The following TMEM260 variants were observed in gnomAD, a reference collection of about 807,000 sequenced individuals.
TMEM260 encodes protein O-mannosyl-transferase TMEM260.
TMEM260 carries 82 observed loss-of-function variants against 88.9 expected under a neutral mutation model. The ratio of observed to expected loss-of-function variants is 0.92; its 90% confidence interval spans 0.77 to 1.11. The LOEUF is 1.11. Among genes scored for constraint, TMEM260 ranks in the 50% least tolerant of loss-of-function variants. The pLI is 0.00. For missense variants in TMEM260, 902 were observed against 853.4 expected, an observed-to-expected ratio of 1.06 and a Z score of -0.71; for synonymous variants, 314 against 309.3, an observed-to-expected ratio of 1.02 and a Z score of -0.16.
At chr14:56,594,265 A>G (rs1219330224) in intron 3 of TMEM260, among the ~76,000 whole-genome samples, 2 of 152,216 alleles carry the variant, frequency 1.3e-5, no homozygotes, top group Non-Finnish European at 2.9e-5. Context: ...AGTTTAAACT[A>G]TTAGCGATAT....
At chr14:56,621,838 C>A in intron 11 of TMEM260, 136 bp downstream of exon 11, 1 of 624,020 alleles carries the variant, frequency 1.6e-6, no homozygotes, top group Non-Finnish European at 2.5e-6. Flanking sequence ...TGACATTCTA[C>A]ATGTTAGGTA....
At chr14:56,623,004 T>C (rs1433592073) in intron 11 of TMEM260, among the ~76,000 whole-genome samples, 1 of 152,226 alleles carries the variant, frequency 6.6e-6, no homozygotes, top group Non-Finnish European at 1.5e-5. Flanking sequence ...TCAGCTCCTG[T>C]AGTTGAGAAG....
At chr14:56,601,001 A>G (rs1053471895) in intron 3 of TMEM260, among the ~76,000 whole-genome samples, 1 of 152,282 alleles carries the variant, frequency 6.6e-6, no homozygotes, top group Non-Finnish European at 1.5e-5. Context: ...TAGTGGGGAG[A>G]TGGAGAGAGA....
intron 12 of TMEM260, among the ~76,000 whole-genome samples, chr14:56,631,531 G>A (rs187295948): frequency 2.4e-4 from 37 of 151,898 alleles, no homozygotes; most frequent in Admixed American, 1.9e-3. Flanking sequence ...GCTGAGGCAG[G>A]AGGATTGCTT....
intron 3 of TMEM260, among the ~76,000 whole-genome samples, chr14:56,592,160 A>G (rs1885906063): frequency 6.6e-6 from 1 of 152,224 alleles, no homozygotes; most frequent in African/African-American, 2.4e-5. Context: ...ATGAAGTAGA[A>G]CTAACCTTAG....
chr14:56,650,001 A>G, downstream of TMEM260: 2 of 419,284 alleles, frequency 4.8e-6, no homozygotes, highest in South Asian at 3.5e-5. Context: ...ACTTTGGAGA[A>G]TCCTTTCCTT....
Position 56,634,922 on chromosome 14 carries a change from C to A in TMEM260, c.1748C>A (p.Ser583Tyr). 6.2e-7 allele frequency: 1 copy of A among 1,613,652 alleles called. No individual in the cohort carries two copies. Among genetic ancestry groups the A allele is most frequent in the South Asian group, 1.1e-5 (1 of 91,058 alleles). The stretch of plus-strand genomic sequence containing the variant: ...AGGTTTGATCCATCTTCTTGGGAAT[C>A]TGTGGCCAATGAAGAAATGTGGCAA... ...YGRFDPSSWE[S>Y]VANEEMWQAR... The change falls in exon 14 of 16, where the codon TCT becomes TAT. Residue 583 changes from serine (S) to tyrosine (Y), a missense_variant. Transcript: ENST00000261556.
At chr14:56,613,037 A>G (rs1887383177) in intron 7 of TMEM260, 1 of 152,084 alleles carries the variant, frequency 6.6e-6, no homozygotes, top group Admixed American at 6.5e-5. Flanking sequence ...ACCTTATTAG[A>G]GCTGGCTTAA....
intron 11 of TMEM260, among the ~76,000 whole-genome samples, chr14:56,624,846 T>G (rs2139606137): frequency 6.6e-6 from 1 of 151,838 alleles, no homozygotes; most frequent in South Asian, 2.1e-4. Flanking sequence ...CAGGGACCGG[T>G]TTTGTGAAGG....
Position 56,585,005 on chromosome 14 carries a change from A to G in TMEM260, c.165A>G (p.Glu55=). 6.2e-7 allele frequency: 1 copy of G among 1,611,852 alleles called. No homozygotes were observed. The part of the protein sequence containing the change: ...PPSVPGGDSG[E]LITAAHELGV... ...TTTTACATTATTTTTTCACAGGGGA[A>G]CTGATCACAGCCGCACATGAGCTTG... Residue 55 remains glutamate (E), a synonymous_variant, in exon 2 of 16, where the codon GAA becomes GAG. Transcript: ENST00000261556.
In TMEM260 at chr14:56,625,500, A is replaced by G; in HGVS notation, c.1517A>G (p.Asn506Ser). ...GILPSGMVTF[N>S]LYHFLEVNKQ... Reference sequence around the variant, plus strand: ...TTACCTAGTGGAATGGTCACATTTAATCTTTATCATTTTCTTGAAGTAAAT... The same window carrying G: ...TTACCTAGTGGAATGGTCACATTTAGTCTTTATCATTTTCTTGAAGTAAAT... The change falls in exon 12 of 16, where the codon AAT (asparagine) becomes AGT (serine). Residue 506 changes from asparagine to serine, a missense_variant. Coordinates refer to ENST00000261556, the MANE Select transcript of TMEM260 (RefSeq NM_017799.4). The G allele has an allele frequency of 6.2e-7, 1 of 1,603,462 alleles. No homozygotes were observed. Among genetic ancestry groups the G allele is most frequent in the East Asian group, 2.2e-5 (1 of 44,786 alleles).
chr14:56,604,921 G>A (rs1032732330), intron 4 of TMEM260, among the ~76,000 whole-genome samples: 3 of 152,178 alleles, frequency 2.0e-5, no homozygotes, highest in African/African-American at 7.2e-5. Context: ...AAGCCAGGGT[G>A]ATCAGACTTC....
At chr14:56,657,352 G>A in the TMEM260 span, among the ~76,000 whole-genome samples, 3 of 151,946 alleles carry the variant, frequency 2.0e-5, no homozygotes, top group East Asian at 1.9e-4. Context: ...ATGTTGCCCC[G>A]GCTGGTCATG....
downstream of TMEM260, among the ~76,000 whole-genome samples, chr14:56,651,266 T>C (rs545432114): frequency 2.0e-5 from 3 of 152,080 alleles, no homozygotes; most frequent in South Asian, 6.2e-4. Context: ...AATAGTACAG[T>C]GTGCTTACTC....
downstream of TMEM260, among the ~76,000 whole-genome samples, chr14:56,651,290 T>C (rs1408432143): frequency 1.3e-5 from 2 of 151,666 alleles, no homozygotes; most frequent in Admixed American, 1.3e-4. Context: ...TATAGAAAAT[T>C]AAACAGGAAT....
At chr14:56,580,172 C>A in intron 1 of TMEM260, 98 bp downstream of exon 1, 1 of 1,041,316 alleles carries the variant, frequency 9.6e-7, no homozygotes, top group Non-Finnish European at 1.2e-6. Context: ...TCGGTCTGGT[C>A]AGCTCTGGGC....
chr14:56,659,686 C>A, the TMEM260 span, among the ~76,000 whole-genome samples: 7 of 152,226 alleles, frequency 4.6e-5, no homozygotes, highest in African/African-American at 1.7e-4. Flanking sequence ...CCGGGTTTCT[C>A]TCTTCAGGCA....
At chr14:56,654,243 T>A (rs1260422393), downstream of TMEM260, among the ~76,000 whole-genome samples, 6 of 152,176 alleles carry the variant, frequency 3.9e-5, no homozygotes, top group African/African-American at 1.4e-4. Context: ...TTAAAAGGTT[T>A]TAGTGTGACA....
chr14:56,650,408 C>T (rs1890183579), downstream of TMEM260: 1 of 194,464 alleles, frequency 5.1e-6, no homozygotes. Flanking sequence ...GGGTGGGCTA[C>T]ACTCCCTGTG....
Sources: allele counts gnomAD v4.1 joint callset (sites outside exome capture counted in the v4.1 genomes callset), GRCh38; gene constraint gnomAD v4.1.1; transcripts MANE v1.5; gene names NCBI Gene and HGNC (gene_info 2026-07-23, HGNC 2026-07-21).